Variants in NR3C2 observed in about 807,000 individuals in gnomAD.
NR3C2 encodes the protein nuclear receptor subfamily 3 group C member 2.
Under a neutral mutation model 86.4 loss-of-function variants are expected in NR3C2, and 15 were observed. That is an observed-to-expected ratio of 0.17 (90% confidence interval 0.12 to 0.27). The LOEUF is 0.27. Ranked by LOEUF, NR3C2 falls within the 10% of genes least tolerant of loss-of-function variation. The pLI is 1.00. For synonymous variants in NR3C2, 458 were observed against 450.5 expected (o/e 1.02, Z -0.21); for missense variants, 960 against 1,195.6 (o/e 0.80, Z 2.91).
chr4:148,310,006 A>T (rs1742829308), intron 2 of NR3C2, among the ~76,000 whole-genome samples: 1 of 152,280 alleles, frequency 6.6e-6, no homozygotes, highest in Admixed American at 6.5e-5. Flanking sequence ...ATGAGAAAAA[A>T]ATCACAGGGC....
At chr4:148,136,448 G>A (rs1157108478) in intron 6 of NR3C2, among the ~76,000 whole-genome samples, 14 of 151,948 alleles carry the variant, frequency 9.2e-5, no homozygotes, top group Admixed American at 9.2e-4. Context: ...AGTTCTTTGG[G>A]CCCTGTGGTT....
intron 8 of NR3C2, among the ~76,000 whole-genome samples, chr4:148,097,079 G>C (rs1560919520): frequency 6.6e-6 from 1 of 152,210 alleles, no homozygotes; most frequent in Non-Finnish European, 1.5e-5. Context: ...GTGGTACTTA[G>C]ATCTGGCTTT....
chr4:148,390,104 G>A (rs1747464800), intron 2 of NR3C2, among the ~76,000 whole-genome samples: 2 of 149,152 alleles, frequency 1.3e-5, no homozygotes, highest in African/African-American at 5.0e-5. Context: ...ATATGATCAG[G>A]AACCCTTCAA....
chr4:148,304,208 C>A (rs1263763808), intron 2 of NR3C2, among the ~76,000 whole-genome samples: 6 of 152,092 alleles, frequency 3.9e-5, no homozygotes, highest in Admixed American at 3.9e-4. Context: ...CCCTCGGATG[C>A]ATCCTCCAAA....
intron 6 of NR3C2, among the ~76,000 whole-genome samples, chr4:148,139,122 G>T (rs1467589058): frequency 6.6e-6 from 1 of 152,176 alleles, no homozygotes; most frequent in Non-Finnish European, 1.5e-5. Context: ...ATGGACAAAT[G>T]ATGATTGGTT....
chr4:148,413,386 CT>C (rs1748806620), intron 2 of NR3C2, among the ~76,000 whole-genome samples: 3 of 151,990 alleles, frequency 2.0e-5, no homozygotes, highest in South Asian at 4.1e-4. Flanking sequence ...AGAAATACAG[CT>C]GTAAGAATAC....
chr4:148,419,089 T>C (rs1303959566), intron 2 of NR3C2, among the ~76,000 whole-genome samples: 2 of 123,104 alleles, frequency 1.6e-5, no homozygotes, highest in East Asian at 6.6e-4. Flanking sequence ...TTCACGGTTG[T>C]TTTTCCTTTT....
Position 148,375,183 on chromosome 4 carries a change from C to T in NR3C2, c.1757+59921G>A, listed in dbSNP as rs902163340. Among the ~76,000 whole-genome samples the T allele has an allele frequency of 4.7e-4, 72 of 152,270 alleles. 1 individual carries two copies. The highest frequency in any genetic ancestry group is 1.7e-3 in the African/African-American group (69 of 41,550). On this transcript the variant is annotated intron_variant, in intron 2 of 8. Coordinates refer to ENST00000358102, the MANE Select transcript of NR3C2 (RefSeq NM_000901.5). ...ATAAAACTGCAAAATCGGCTGGATG[C>T]AGTGGCTCACGCCTGTATCCTCACC...
At chr4:148,155,006 C>A in intron 4 of NR3C2, 105 bp from the exon 5 acceptor site, 1 of 884,956 alleles carries the variant, frequency 1.1e-6, no homozygotes, top group South Asian at 1.4e-5. Context: ...CTTGTTATGT[C>A]AATAGGAACA....
In NR3C2 at chr4:148,194,860, G is replaced by T. The variant is rs780359965; in HGVS notation, c.1900C>A (p.Gln634Lys). The T allele has an allele frequency of 1.9e-6, 3 of 1,604,424 alleles. No homozygotes were observed. The highest frequency in any genetic ancestry group is 2.2e-5 in the South Asian group (2 of 90,864). ...CTTCCAGCACATAAATAGTTGTGTT[G>T]CCCTGATTAAAATAATAAAAAATAA... ...KVFFKRAVEG[Q>K]HNYLCAGRND... Residue 634 changes from glutamine to lysine, a missense_variant and splice_region_variant, in exon 4 of 9, where the codon CAA becomes AAA. This residue lies in a region of NR3C2 where 47 missense variants were observed against 107.3 expected (regional missense o/e 0.44). Transcript: ENST00000358102.
At chr4:148,091,677 T>C (rs1731069226) in intron 8 of NR3C2, among the ~76,000 whole-genome samples, 1 of 152,188 alleles carries the variant, frequency 6.6e-6, no homozygotes, top group African/African-American at 2.4e-5. Flanking sequence ...CCTGATGTAG[T>C]GCACGGGTAC....
intron 8 of NR3C2, among the ~76,000 whole-genome samples, chr4:148,083,881 A>G (rs539789448): frequency 6.6e-6 from 1 of 152,304 alleles, no homozygotes; most frequent in South Asian, 2.1e-4. Context: ...AGCATACACA[A>G]TTATCAATAG....
At chr4:148,262,244 C>A (rs1022411804) in intron 2 of NR3C2, among the ~76,000 whole-genome samples, 4 of 151,916 alleles carry the variant, frequency 2.6e-5, no homozygotes, top group Admixed American at 2.6e-4. Context: ...GGGCCTTGAT[C>A]CCAGTACTAT....
chr4:148,277,253 C>G lies in NR3C2; in HGVS notation c.1758-17136G>C, dbSNP rs1342866832. Among the ~76,000 whole-genome samples, 6 of 152,096 alleles carry G rather than the reference C, an allele frequency of 3.9e-5. No homozygotes were observed. In the East Asian group the frequency reaches 1.2e-3, roughly 29 times the overall value. Reference sequence around the variant, plus strand: ...AAAAAAGTTCAAGTCTGTTACTTTGCAATATTAAGATAACGAATACCTGAA... The same window carrying G: ...AAAAAAGTTCAAGTCTGTTACTTTGGAATATTAAGATAACGAATACCTGAA... On this transcript the variant is annotated intron_variant, in intron 2 of 8. Transcript: ENST00000358102.
At chr4:148,103,711 A>G (rs1731647940) in intron 8 of NR3C2, among the ~76,000 whole-genome samples, 1 of 152,198 alleles carries the variant, frequency 6.6e-6, no homozygotes. Flanking sequence ...AGATACAACC[A>G]TGGCCACTGA....
chr4:148,133,193 CAAAA>C (rs372452845), intron 6 of NR3C2, among the ~76,000 whole-genome samples: 4 of 97,202 alleles, frequency 4.1e-5, no homozygotes, highest in Non-Finnish European at 8.1e-5. Flanking sequence ...GAACCTGTCT[CAAAA>C]AAAAAAAAAA....
chr4:148,435,031 A>G (rs1749967514), intron 2 of NR3C2, 73 bp downstream of exon 2: 1 of 1,378,890 alleles, frequency 7.3e-7, no homozygotes, highest in South Asian at 1.2e-5. Flanking sequence ...AAATTTATCA[A>G]CTGTAAAGAT....
At chr4:148,148,767 C>G (rs1733980045) in intron 6 of NR3C2, among the ~76,000 whole-genome samples, 1 of 152,212 alleles carries the variant, frequency 6.6e-6, no homozygotes, top group Admixed American at 6.5e-5. Context: ...CCTTTCAATA[C>G]TTATCACAAT....
chr4:148,417,390 C>T (rs556360634), intron 2 of NR3C2, among the ~76,000 whole-genome samples: 12 of 152,292 alleles, frequency 7.9e-5, no homozygotes, highest in African/African-American at 2.4e-4. Context: ...ATGTGTTCAA[C>T]TCAGTGTTTT....
Sources: allele counts gnomAD v4.1 joint callset (sites outside exome capture counted in the v4.1 genomes callset), GRCh38; gene constraint gnomAD v4.1.1; regional missense constraint gnomAD v4.1.1; transcripts MANE v1.5; gene names NCBI Gene and HGNC (gene_info 2026-07-23, HGNC 2026-07-21).